The following PCSK5 variants were observed in gnomAD, a reference collection of about 807,000 sequenced individuals.
The protein encoded by PCSK5 is prohormone convertase 5.
A neutral mutation model predicts 233.2 loss-of-function variants in PCSK5; 129 were observed. The ratio of observed to expected loss-of-function variants is 0.55; its 90% confidence interval spans 0.48 to 0.64. PCSK5 has a LOEUF of 0.64. Ranked by LOEUF, PCSK5 falls within the 30% of genes least tolerant of loss-of-function variation. The pLI, the probability that PCSK5 is intolerant of heterozygous loss-of-function variation, is 0.00. For synonymous variants in PCSK5, 825 were observed against 879.2 expected (o/e 0.94, Z 1.09); for missense variants, 2,076 against 2,430.1 (o/e 0.85, Z 3.06).
chr9:76,308,506 A>G (rs1278715831), intron 28 of PCSK5, 139 bp from the exon 29 acceptor site: 3 of 649,928 alleles, frequency 4.6e-6, no homozygotes, highest in Admixed American at 2.9e-5. Flanking sequence ...CAGTGCCAAC[A>G]ATCAGCTCAT....
At chr9:76,218,785 C>G (rs568657422) in intron 20 of PCSK5, among the ~76,000 whole-genome samples, 33 of 150,038 alleles carry the variant, frequency 2.2e-4, no homozygotes, top group Admixed American at 1.7e-3. Context: ...GACGGGATGA[C>G]TCCAAAATGT....
rs1825576519 is a variant in PCSK5, at chr9:75,891,143, A to G, written c.-39A>G. ...GTTGTGCGCGCCCTTAGTGCGCGGA[A>G]CCAGCCAGCGAGCGAGGGAGCAGCG... is the stretch of plus-strand genomic sequence containing the variant. On this transcript the variant is annotated 5_prime_UTR_variant, in exon 1 of 38. Coordinates refer to ENST00000674117, the MANE Select transcript of PCSK5 (RefSeq NM_001372043.1). 6 of 1,435,036 alleles carry G rather than the reference A, an allele frequency of 4.2e-6. No homozygotes were observed. The allele number at this position is 1,435,036 out of a possible 1,614,324, so 88.9% of individuals were successfully genotyped here.
intron 35 of PCSK5, among the ~76,000 whole-genome samples, chr9:76,340,168 C>T (rs913173457): frequency 3.3e-5 from 5 of 151,990 alleles, no homozygotes; most frequent in Non-Finnish European, 7.4e-5. Context: ...CAAGTCCATC[C>T]CTCCTACTAA....
chr9:76,099,020 G>A (rs1360831855), intron 8 of PCSK5, among the ~76,000 whole-genome samples: 1 of 152,156 alleles, frequency 6.6e-6, no homozygotes, highest in Non-Finnish European at 1.5e-5. Flanking sequence ...CCTTTCGCGA[G>A]GTCATATACT....
At position 76,295,324 on chromosome 9, in the gene PCSK5, G is replaced by A. The variant is rs1229466187; in HGVS notation, c.3235G>A (p.Glu1079Lys). The A allele has an allele frequency of 6.2e-6, 10 of 1,611,704 alleles. No individual in the cohort carries two copies. The highest frequency in any genetic ancestry group is 8.5e-6 in the Non-Finnish European group (10 of 1,178,920). Reference protein sequence around the residue: ...KTCPEKTYSEEVECKACDSNC... With the variant: ...KTCPEKTYSEKVECKACDSNC... ...CTGTCCTGAGAAGACCTACAGTGAGGAAGTGGAATGCAAGGCGTGTGATAG... is the reference window on the plus strand; with the variant it reads ...CTGTCCTGAGAAGACCTACAGTGAGAAAGTGGAATGCAAGGCGTGTGATAG... The change falls in exon 26 of 38, where the codon GAA becomes AAA. Residue 1079 changes from glutamate (E) to lysine (K), a missense_variant. Glu to Lys is a moderately conservative substitution (Grantham distance 56). This residue lies in a region of PCSK5 where 1,510 missense variants were observed against 1,538.1 expected (regional missense o/e 0.98). Transcript: ENST00000674117.
intron 7 of PCSK5, among the ~76,000 whole-genome samples, chr9:76,093,771 A>T (rs1831396181): frequency 6.6e-6 from 1 of 152,062 alleles, no homozygotes; most frequent in South Asian, 2.1e-4. Context: ...TCAGTGTCTG[A>T]TAGAGAGGGA....
intron 20 of PCSK5, among the ~76,000 whole-genome samples, chr9:76,214,053 C>T (rs117284575): frequency 3.0e-4 from 46 of 152,212 alleles, no homozygotes; most frequent in African/African-American, 8.7e-4. Context: ...GCCCTGTCCT[C>T]GGGGAAGAGT....
At chr9:75,971,772 TA>T (rs1825823615) in intron 2 of PCSK5, among the ~76,000 whole-genome samples, 1 of 144,170 alleles carries the variant, frequency 6.9e-6, no homozygotes, top group Non-Finnish European at 1.5e-5. Flanking sequence ...CACTTTTTAA[TA>T]GGTTTTTTTT....
chr9:76,157,307 G>A (rs992196480), intron 11 of PCSK5, 145 bp downstream of exon 11: 41 of 626,202 alleles, frequency 6.5e-5, no homozygotes, highest in Non-Finnish European at 9.1e-5. Flanking sequence ...GTAATAGAAC[G>A]GCTAGGATTC....
At chr9:76,342,387 T>A (rs2131503103) in intron 35 of PCSK5, among the ~76,000 whole-genome samples, 1 of 152,202 alleles carries the variant, frequency 6.6e-6, no homozygotes. Flanking sequence ...ATCCTCTTTT[T>A]TTTTCCCCTT....
chr9:76,281,992 T>C (rs1827881835), intron 24 of PCSK5, among the ~76,000 whole-genome samples: 1 of 151,870 alleles, frequency 6.6e-6, no homozygotes, highest in Non-Finnish European at 1.5e-5. Flanking sequence ...ATAGCTGCCG[T>C]AGAGATTCCT....
At chr9:75,998,680 G>T (rs1237008968) in intron 3 of PCSK5, among the ~76,000 whole-genome samples, 3 of 152,076 alleles carry the variant, frequency 2.0e-5, no homozygotes, top group Non-Finnish European at 4.4e-5. Context: ...AAATATTATA[G>T]AAATCTTTTG....
intron 24 of PCSK5, among the ~76,000 whole-genome samples, chr9:76,259,456 TACACACACAC>T (rs10592376): frequency 8.1e-5 from 12 of 148,678 alleles, no homozygotes; most frequent in African/African-American, 2.2e-4. Flanking sequence ...CTGTCTACAC[TACACACACAC>T]ACACACACAC....
At chr9:76,060,069 A>G (rs1329373385) in intron 5 of PCSK5, among the ~76,000 whole-genome samples, 3 of 152,210 alleles carry the variant, frequency 2.0e-5, no homozygotes, top group Non-Finnish European at 2.9e-5. Context: ...TATTTATGAA[A>G]TGTTCTTCAG....
At chr9:76,100,877 G>T (rs1165202055) in intron 8 of PCSK5, among the ~76,000 whole-genome samples, 1 of 152,080 alleles carries the variant, frequency 6.6e-6, no homozygotes, top group Non-Finnish European at 1.5e-5. Context: ...CATGGCTTTT[G>T]TATTTTCTGT....
At chr9:76,180,835 T>A (rs1431349442) in intron 15 of PCSK5, among the ~76,000 whole-genome samples, 1 of 152,108 alleles carries the variant, frequency 6.6e-6, no homozygotes, top group Non-Finnish European at 1.5e-5. Context: ...TGGTGCTCAG[T>A]AAATATTTGT....
At chr9:76,266,248 G>T (rs927854851) in intron 24 of PCSK5, among the ~76,000 whole-genome samples, 3 of 152,214 alleles carry the variant, frequency 2.0e-5, no homozygotes, top group South Asian at 4.2e-4. Context: ...ATTATTTCTG[G>T]TAGGCTATAT....
intron 20 of PCSK5, among the ~76,000 whole-genome samples, chr9:76,225,477 T>C (rs530826261): frequency 1.3e-5 from 2 of 152,100 alleles, no homozygotes; most frequent in Non-Finnish European, 2.9e-5. Context: ...TAAAAACAAA[T>C]CGTTTGCACT....
chr9:76,256,472 G>A (rs1826985743), intron 24 of PCSK5, among the ~76,000 whole-genome samples: 1 of 152,216 alleles, frequency 6.6e-6, no homozygotes, highest in African/African-American at 2.4e-5. Flanking sequence ...CCGTCTGCCA[G>A]TCTCGAAAGC....
Sources: gnomAD v4.1 joint callset for allele counts (sites outside exome capture counted in the v4.1 genomes callset) on GRCh38, gnomAD v4.1.1 for gene constraint, gnomAD v4.1.1 regional missense constraint, MANE v1.5 for transcripts, NCBI Gene and HGNC (gene_info 2026-07-23, HGNC 2026-07-21) for gene names.